AGPS: variants seen among roughly 807,000 people sequenced by gnomAD.
AGPS encodes alkyldihydroxyacetonephosphate synthase, peroxisomal.
Under a neutral mutation model 90.7 loss-of-function variants are expected in AGPS, and 26 were observed. The observed-to-expected ratio is 0.29, with a 90% CI of 0.21 to 0.40. AGPS has a LOEUF of 0.40. AGPS is among the 10% of genes least tolerant of loss of function. AGPS has a pLI of 1.00. For missense variants in AGPS, 540 were observed against 816.1 expected (o/e 0.66, Z 4.12); for synonymous variants, 294 against 285.3 (o/e 1.03, Z -0.31).
intron 19 of AGPS, among the ~76,000 whole-genome samples, chr2:177,527,538 T>C (rs1574034715): frequency 6.6e-6 from 1 of 152,176 alleles, no homozygotes; most frequent in East Asian, 1.9e-4. Flanking sequence ...ATAGATATTT[T>C]TATTGTTTTC....
chr2:177,415,983 A>G (rs1178747485), intron 1 of AGPS, among the ~76,000 whole-genome samples: 1 of 152,220 alleles, frequency 6.6e-6, no homozygotes, highest in Non-Finnish European at 1.5e-5. Flanking sequence ...TATAAAAGTT[A>G]TTAGATAGCT....
At chr2:177,532,228 G>T (rs2079145210) in intron 19 of AGPS, among the ~76,000 whole-genome samples, 1 of 151,990 alleles carries the variant, frequency 6.6e-6, no homozygotes, top group South Asian at 2.1e-4. Context: ...TCCAAGAAAA[G>T]ACATATCTAT....
chr2:177,420,167 A>G (rs1574353083), intron 1 of AGPS, 102 bp from the exon 2 acceptor site: 1 of 760,612 alleles, frequency 1.3e-6, no homozygotes, highest in Non-Finnish European at 2.3e-6. Flanking sequence ...ATTTGTGGGC[A>G]TAAGGTATTT....
intron 1 of AGPS, among the ~76,000 whole-genome samples, chr2:177,399,248 C>A (rs1685265953): frequency 6.6e-6 from 1 of 152,116 alleles, no homozygotes; most frequent in Non-Finnish European, 1.5e-5. Flanking sequence ...ATTTTATTTC[C>A]TTATTATTGA....
intron 10 of AGPS, among the ~76,000 whole-genome samples, chr2:177,480,990 G>A (rs769710467): frequency 1.3e-5 from 2 of 152,018 alleles, no homozygotes; most frequent in African/African-American, 2.4e-5. Context: ...AGGAAATCAT[G>A]TGTATATGTG....
chr2:177,532,402 C>G lies in AGPS; in HGVS notation c.1856-5672C>G, dbSNP rs186767134. ...CTATTAGGGAAATGAAAATTAAAGC[C>G]ACAGGAGATATCACTACACACCTAT... On this transcript the variant is annotated intron_variant, in intron 19 of 19. Coordinates refer to ENST00000264167, the MANE Select transcript of AGPS (RefSeq NM_003659.4). Among the ~76,000 whole-genome samples, 103 of 152,034 alleles carry G rather than the reference C, an allele frequency of 6.8e-4. 1 individual carries two copies. The highest frequency in any genetic ancestry group is 1.2e-3 in the South Asian group (6 of 4,826).
rs374643265 is a variant in AGPS at position 177,442,457 on chromosome 2, A to C, written c.760A>C (p.Thr254Pro). The change falls in exon 7 of 20, where the codon ACA (threonine) becomes CCA (proline). Residue 254 changes from threonine (T) to proline (P), a missense_variant. Transcript: ENST00000264167. ...GATGTGTCCTGCAGATGAGACAAGA[A>C]CAATTATTTCTTTGGACACTTCACA... ...GLMCPADETR[T>P]IISLDTSQMN... 6.2e-7 allele frequency: 1 copy of C among 1,613,634 alleles called. No individual in the cohort carries two copies. Among genetic ancestry groups the C allele is most frequent in the Non-Finnish European group, 8.5e-7 (1 of 1,179,652 alleles).
intron 8 of AGPS, among the ~76,000 whole-genome samples, chr2:177,461,487 C>G (rs1687291705): frequency 6.6e-6 from 1 of 152,002 alleles, no homozygotes; most frequent in African/African-American, 2.4e-5. Flanking sequence ...AGATTAAGTG[C>G]TTTATTTATT....
chr2:177,437,149 A>G, intron 5 of AGPS, 95 bp downstream of exon 5: 1 of 1,165,756 alleles, frequency 8.6e-7, no homozygotes, highest in African/African-American at 1.5e-5. Context: ...TATGAGTTGT[A>G]AAAAATATAA....
chr2:177,424,816 G>A (rs1020422664), intron 2 of AGPS, among the ~76,000 whole-genome samples: 2 of 152,130 alleles, frequency 1.3e-5, no homozygotes, highest in Non-Finnish European at 2.9e-5. Flanking sequence ...TTTGATGTGC[G>A]TTTCTCTAAT....
chr2:177,515,223 A>G (rs1207206325), intron 17 of AGPS, among the ~76,000 whole-genome samples: 1 of 152,002 alleles, frequency 6.6e-6, no homozygotes, highest in Non-Finnish European at 1.5e-5. Flanking sequence ...ATCTAAGACA[A>G]AAATTTTTGT....
chr2:177,415,238 A>C (rs186698161), intron 1 of AGPS, among the ~76,000 whole-genome samples: 89 of 152,258 alleles, frequency 5.8e-4, no homozygotes, highest in African/African-American at 2.0e-3. Flanking sequence ...TCTTACAAAC[A>C]ATGCTCCAGG....
chr2:177,444,947 C>T (rs994426309), intron 7 of AGPS, among the ~76,000 whole-genome samples: 1 of 152,124 alleles, frequency 6.6e-6, no homozygotes, highest in East Asian at 1.9e-4. Context: ...CTTTTGAGCC[C>T]GAGGCAGGGA....
intron 8 of AGPS, among the ~76,000 whole-genome samples, chr2:177,448,566 T>C (rs887663198): frequency 6.6e-6 from 1 of 152,186 alleles, no homozygotes; most frequent in Non-Finnish European, 1.5e-5. Context: ...ATGTGTCTGT[T>C]CTGTAGCCGC....
At chr2:177,489,031 G>T (rs914561309) in intron 11 of AGPS, among the ~76,000 whole-genome samples, 1 of 151,612 alleles carries the variant, frequency 6.6e-6, no homozygotes, top group Non-Finnish European at 1.5e-5. Flanking sequence ...TCTGTGACAA[G>T]TAAGAGCTAT....
At chr2:177,429,685 T>C (rs1559042368) in intron 2 of AGPS, among the ~76,000 whole-genome samples, 1 of 152,230 alleles carries the variant, frequency 6.6e-6, no homozygotes, top group African/African-American at 2.4e-5. Flanking sequence ...AGCCTGCTTT[T>C]TCCTCTGGGA....
chr2:177,479,663 C>T (rs961654548), intron 10 of AGPS, among the ~76,000 whole-genome samples: 11 of 152,098 alleles, frequency 7.2e-5, no homozygotes, highest in African/African-American at 2.7e-4. Flanking sequence ...TGAAATAAGC[C>T]AGTCAGAAGG....
chr2:177,497,525 CTA>C (rs1328968260), intron 12 of AGPS, among the ~76,000 whole-genome samples, 162 bp from the exon 13 acceptor site: 5 of 151,624 alleles, frequency 3.3e-5, no homozygotes, highest in Non-Finnish European at 5.9e-5. Context: ...ATTAATATAA[CTA>C]TATATCGTAA....
intron 1 of AGPS, among the ~76,000 whole-genome samples, chr2:177,407,739 A>G (rs1685505883): frequency 2.6e-5 from 4 of 152,088 alleles, no homozygotes; most frequent in Admixed American, 1.3e-4. Flanking sequence ...CACAGCAAGA[A>G]GTAGGAGGTA....
Sources: gnomAD v4.1 joint callset for allele counts (sites outside exome capture counted in the v4.1 genomes callset) on GRCh38, gnomAD v4.1.1 for gene constraint, MANE v1.5 for transcripts, NCBI Gene and HGNC (gene_info 2026-07-23, HGNC 2026-07-21) for gene names.